PTK2B: variants seen among roughly 807,000 people sequenced by gnomAD.
PTK2B encodes the protein protein-tyrosine kinase 2-beta.
A neutral mutation model predicts 142.9 loss-of-function variants in PTK2B; 71 were observed. That is an observed-to-expected ratio of 0.50 (90% CI 0.41 to 0.61). The LOEUF is 0.61. Ranked by LOEUF, PTK2B falls within the 20% of genes least tolerant of loss-of-function variation. The pLI, the probability that PTK2B is intolerant of heterozygous loss-of-function variation, is 0.00. For missense variants in PTK2B, 1,105 were observed against 1,320.4 expected (o/e 0.84, Z 2.53); for synonymous variants, 519 against 503.4 (o/e 1.03, Z -0.42).
At chr8:27,315,632 CT>C (rs367617272) in intron 3 of PTK2B, among the ~76,000 whole-genome samples, 39 of 148,708 alleles carry the variant, frequency 2.6e-4, no homozygotes, top group Middle Eastern at 3.5e-3. Flanking sequence ...TTTGTTGGGT[CT>C]TTTTTTTTTC....
At position 27,387,739 on chromosome 8, in the gene PTK2B, A is replaced by T. The variant is rs59989792; in HGVS notation, c.-37-9809A>T. The stretch of plus-strand genomic sequence containing the variant: ...GCCACATCATAGTGACTAACAGTGA[A>T]TTTACAGTTAGCCTAAATCCTATTT... On this transcript the variant is annotated intron_variant, in intron 1 of 30. Transcript: ENST00000346049. 6.2e-3 allele frequency among the ~76,000 whole-genome samples: 937 copies of T among 152,160 alleles called. 11 individuals are homozygous for T. Among genetic ancestry groups the T allele is most frequent in the African/African-American group, 0.022 (908 of 41,518 alleles).
intron 1 of PTK2B, among the ~76,000 whole-genome samples, chr8:27,348,436 C>G (rs1240459110): frequency 6.6e-6 from 1 of 152,166 alleles, no homozygotes; most frequent in East Asian, 1.9e-4. Flanking sequence ...CCAGCTCTTC[C>G]CGGCGTGCAC....
In PTK2B at chr8:27,397,730, G is replaced by A. The variant is rs200987347; in HGVS notation, c.146G>A (p.Ser49Asn). Residue 49 changes from serine to asparagine, a missense_variant, in exon 2 of 31, where the codon AGC (serine) becomes AAC (asparagine). Ser to Asn is a conservative substitution (Grantham distance 46). Coordinates refer to ENST00000346049, the MANE Select transcript of PTK2B (RefSeq NM_173176.3). Reference sequence around the variant, plus strand: ...CTCAAGGTCTGCTTCTATAGCAACAGCTTCAATCCTGGGAAAAACTTCAAA... The same window carrying A: ...CTCAAGGTCTGCTTCTATAGCAACAACTTCAATCCTGGGAAAAACTTCAAA... ...RILKVCFYSN[S>N]FNPGKNFKLV... 2.8e-5 allele frequency: 46 copies of A among 1,614,154 alleles called. No homozygotes were observed. The highest frequency in any genetic ancestry group is 3.8e-5 in the Non-Finnish European group (45 of 1,180,054).
At chr8:27,445,995 A>G in intron 24 of PTK2B, 76 bp downstream of exon 24, 1 of 1,585,344 alleles carries the variant, frequency 6.3e-7, no homozygotes, top group Non-Finnish European at 8.6e-7. Flanking sequence ...GACACTGGAA[A>G]CCCCACGTCC....
intron 1 of PTK2B, among the ~76,000 whole-genome samples, chr8:27,390,589 T>G (rs890889282): frequency 6.6e-6 from 1 of 152,120 alleles, no homozygotes; most frequent in Non-Finnish European, 1.5e-5. Flanking sequence ...TGTAGTAAGA[T>G]ATGATCACAT....
chr8:27,397,310 C>T, intron 1 of PTK2B: 2 of 489,692 alleles, frequency 4.1e-6, no homozygotes, highest in South Asian at 2.1e-5. Context: ...AGACAGAGCT[C>T]ATACCCCTGG....
intron 1 of PTK2B, among the ~76,000 whole-genome samples, chr8:27,384,955 G>A (rs1807252862): frequency 6.6e-6 from 1 of 152,126 alleles, no homozygotes; most frequent in Non-Finnish European, 1.5e-5. Context: ...CTCCTTCTTA[G>A]GTAGGTCTGT....
At chr8:27,431,940 A>G (rs1440793362) in intron 9 of PTK2B, among the ~76,000 whole-genome samples, 1 of 151,990 alleles carries the variant, frequency 6.6e-6, no homozygotes, top group African/African-American at 2.4e-5. Context: ...CTTTGAATGC[A>G]GCCCACCACA....
chr8:27,360,593 G>C (rs909012451), intron 1 of PTK2B, among the ~76,000 whole-genome samples: 4 of 152,060 alleles, frequency 2.6e-5, no homozygotes, highest in African/African-American at 9.7e-5. Flanking sequence ...CTCCTGAACC[G>C]GTGGCAGAAC....
intron 3 of PTK2B, among the ~76,000 whole-genome samples, chr8:27,319,630 C>G: frequency 9.9e-6 from 1 of 100,908 alleles, no homozygotes; most frequent in South Asian, 3.3e-4. Flanking sequence ...GGTGACAGAG[C>G]AAGACTCTGT....
intron 24 of PTK2B, among the ~76,000 whole-genome samples, chr8:27,446,197 C>T (rs529936438): frequency 6.6e-6 from 1 of 152,362 alleles, no homozygotes; most frequent in South Asian, 2.1e-4. Context: ...AAATCTCCCC[C>T]TCTCCTGAGC....
At chr8:27,458,095 A>ATGTC (rs1200340712) in intron 30 of PTK2B, among the ~76,000 whole-genome samples, 199 bp from the exon 31 acceptor site, 3 of 151,938 alleles carry the variant, frequency 2.0e-5, no homozygotes, top group Non-Finnish European at 4.4e-5. Context: ...GGGTTCTGAG[A>ATGTC]TGTCTGTGAT....
intron 2 of PTK2B, among the ~76,000 whole-genome samples, chr8:27,418,486 T>C (rs1280543352): frequency 6.6e-6 from 1 of 152,192 alleles, no homozygotes; most frequent in Non-Finnish European, 1.5e-5. Flanking sequence ...TTGGGAGGCA[T>C]GTTAAGAAAA....
intron 1 of PTK2B, among the ~76,000 whole-genome samples, chr8:27,360,042 A>C (rs1805608718): frequency 1.3e-5 from 2 of 151,998 alleles, no homozygotes; most frequent in South Asian, 4.2e-4. Flanking sequence ...CTTCTTTACC[A>C]CTCGGATGTG....
At chr8:27,451,609 C>A in intron 27 of PTK2B, 100 bp downstream of exon 27, 2 of 1,587,722 alleles carry the variant, frequency 1.3e-6, no homozygotes, top group East Asian at 2.3e-5. Flanking sequence ...CGGAGTCTGT[C>A]TGCATTCCCT....
intron 1 of PTK2B, among the ~76,000 whole-genome samples, chr8:27,354,149 T>C (rs1363639891): frequency 5.3e-5 from 8 of 152,186 alleles, no homozygotes; most frequent in Non-Finnish European, 1.2e-4. Context: ...ACTTGGTGGC[T>C]AATGGTGTCT....
At chr8:27,353,589 C>A (rs897478745) in intron 1 of PTK2B, among the ~76,000 whole-genome samples, 1 of 152,180 alleles carries the variant, frequency 6.6e-6, no homozygotes, top group Non-Finnish European at 1.5e-5. Flanking sequence ...CCTGTGGTCA[C>A]CATAGCACAG....
intron 1 of PTK2B, chr8:27,326,943 G>T (rs890296158): frequency 2.0e-5 from 3 of 152,490 alleles, no homozygotes; most frequent in African/African-American, 7.2e-5. Flanking sequence ...GGTTGAGGGA[G>T]GGCTGCCAGG....
intron 13 of PTK2B, among the ~76,000 whole-genome samples, chr8:27,434,937 T>C (rs886461230): frequency 6.6e-5 from 10 of 151,820 alleles, no homozygotes; most frequent in Admixed American, 5.9e-4. Flanking sequence ...AAGGCGGAGG[T>C]TGCAGTGAGC....
Sources: allele counts gnomAD v4.1 joint callset (sites outside exome capture counted in the v4.1 genomes callset), GRCh38; gene constraint gnomAD v4.1.1; transcripts MANE v1.5; gene names NCBI Gene and HGNC (gene_info 2026-07-23, HGNC 2026-07-21).